The following PAICS variants were observed in gnomAD, a reference collection of about 807,000 sequenced individuals.
PAICS encodes bifunctional phosphoribosylaminoimidazole carboxylase/phosphoribosylaminoimidazole succinocarboxamide synthetase.
In PAICS, 33 loss-of-function variants were observed where a neutral mutation model predicts 53.7. The observed-to-expected ratio is 0.61, with a 90% CI of 0.47 to 0.82. The LOEUF is 0.82. Ranked by LOEUF, PAICS falls within the 40% of genes least tolerant of loss-of-function variation. The probability of loss-of-function intolerance (pLI) is 0.00; values close to 1 mark genes in which losing one functional copy is unlikely to be tolerated. For synonymous variants in PAICS, 141 were observed against 167.2 expected, an observed-to-expected ratio of 0.84 and a Z score of 1.21; for missense variants, 394 against 494.1, an observed-to-expected ratio of 0.80 and a Z score of 1.92.
the PAICS span, among the ~76,000 whole-genome samples, chr4:56,411,788 G>A: frequency 6.6e-6 from 1 of 152,210 alleles, no homozygotes. Flanking sequence ...AGAGAAAACA[G>A]TAAATAGTAT....
chr4:56,442,537 G>T (rs755623631), intron 2 of PAICS, among the ~76,000 whole-genome samples: 1 of 152,144 alleles, frequency 6.6e-6, no homozygotes, highest in Non-Finnish European at 1.5e-5. Flanking sequence ...GTTGCTGGTT[G>T]GTCTGTAGTA....
At chr4:56,454,988 T>C (rs1214049127) in intron 8 of PAICS, among the ~76,000 whole-genome samples, 1 of 152,074 alleles carries the variant, frequency 6.6e-6, no homozygotes. Context: ...TGAAACCCCA[T>C]CTCTACTAAA....
rs901421145 is a variant in PAICS at position 56,442,080 on chromosome 4, G to T, written c.214+220G>T. On this transcript the variant is annotated intron_variant, in intron 2 of 8. Transcript: ENST00000512576. ...TAAAAGGAATCTTAACAAGTTTGCTGTAATCTTTATCTGGCACATGCACTC... is the reference window on the plus strand; with the variant it reads ...TAAAAGGAATCTTAACAAGTTTGCTTTAATCTTTATCTGGCACATGCACTC... The T allele has an allele frequency of 2.9e-4, 133 of 455,174 alleles. No individual in the cohort carries two copies. In the East Asian group the frequency reaches 4.7e-3, roughly 16 times the overall value. The allele number at this position is 455,174 out of a possible 1,614,324, so 28.2% of individuals were successfully genotyped here. A position where few individuals can be genotyped will look rare whatever the true frequency, so the allele number is the denominator to read the frequency against.
chr4:56,422,473 T>A, the PAICS span: 1 of 120,040 alleles, frequency 8.3e-6, no homozygotes, highest in East Asian at 2.4e-4. Context: ...CTGGTTTTTT[T>A]TTTTTGTACG....
chr4:56,435,965 A>G (rs1370703711), upstream of PAICS: 2 of 1,512,956 alleles, frequency 1.3e-6, no homozygotes, highest in African/African-American at 2.7e-5. Flanking sequence ...CGCAGCCGAG[A>G]AGGGGCCGGG....
the PAICS span, among the ~76,000 whole-genome samples, chr4:56,428,500 T>C: frequency 6.6e-6 from 1 of 152,126 alleles, no homozygotes; most frequent in African/African-American, 2.4e-5. Context: ...AATATGAATA[T>C]AGCATTTTAC....
intron 5 of PAICS, among the ~76,000 whole-genome samples, chr4:56,449,814 A>G (rs1041691146): frequency 7.3e-5 from 11 of 151,446 alleles, no homozygotes; most frequent in African/African-American, 2.7e-4. Context: ...TCAAAAAAAA[A>G]AAAAAAAAAA....
At chr4:56,452,087 T>C in intron 7 of PAICS, 35 bp downstream of exon 7, 1 of 1,404,900 alleles carries the variant, frequency 7.1e-7, no homozygotes, top group Non-Finnish European at 9.8e-7. Context: ...TTCAGGTATT[T>C]CTGATTTTGC....
chr4:56,413,707 C>T, the PAICS span, among the ~76,000 whole-genome samples: 1 of 151,872 alleles, frequency 6.6e-6, no homozygotes, highest in Admixed American at 6.6e-5. Context: ...ACCAGCCTGA[C>T]CAACATGGTG....
Position 56,441,777 on chromosome 4 carries a change from C to G in PAICS, c.131C>G (p.Ala44Gly). The change falls in exon 2 of 9, where the codon GCA (alanine) becomes GGA (glycine). Residue 44 changes from alanine (A) to glycine (G), a missense_variant. By Grantham distance (60) the Ala-to-Gly change is moderately conservative (BLOSUM62 0). Coordinates refer to ENST00000512576, the MANE Select transcript of PAICS (RefSeq NM_001079524.2). ...QSKDQITAGN[A>G]ARKNHLEGKA... ...AAGGACCAGATTACAGCAGGAAATGCAGCTAGAAAAAACCACCTGGAAGGA... is the reference window on the plus strand; with the variant it reads ...AAGGACCAGATTACAGCAGGAAATGGAGCTAGAAAAAACCACCTGGAAGGA... The G allele has an allele frequency of 6.2e-7, 1 of 1,603,678 alleles. No individual in the cohort carries two copies. Among genetic ancestry groups the G allele is most frequent in the Non-Finnish European group, 8.5e-7 (1 of 1,174,494 alleles).
At chr4:56,439,253 T>A (rs1050870448) in intron 1 of PAICS, among the ~76,000 whole-genome samples, 3 of 152,204 alleles carry the variant, frequency 2.0e-5, no homozygotes, top group Non-Finnish European at 4.4e-5. Flanking sequence ...TTGTTTTTTC[T>A]TGAGACGGAG....
chr4:56,414,384 A>T, the PAICS span: 2 of 152,190 alleles, frequency 1.3e-5, no homozygotes, highest in Admixed American at 1.3e-4. Flanking sequence ...ACCCAAATAC[A>T]CTTTTGACCA....
At chr4:56,418,256 T>C in the PAICS span, among the ~76,000 whole-genome samples, 1 of 152,196 alleles carries the variant, frequency 6.6e-6, no homozygotes, top group Non-Finnish European at 1.5e-5. Context: ...TGAGCAGTGG[T>C]CTCTCCACTA....
At chr4:56,441,504 A>G (rs1718337300) in intron 1 of PAICS, among the ~76,000 whole-genome samples, 159 bp from the exon 2 acceptor site, 1 of 152,222 alleles carries the variant, frequency 6.6e-6, no homozygotes, top group South Asian at 2.1e-4. Flanking sequence ...TGATGGTATG[A>G]GAAATACATT....
intron 1 of PAICS, among the ~76,000 whole-genome samples, chr4:56,438,378 T>TATATATATATATATATAA (rs1718142793): frequency 1.6e-5 from 1 of 64,346 alleles, no homozygotes; most frequent in Non-Finnish European, 2.7e-5. Context: ...TGTTTATATA[T>TATATATATATATATATAA]ATATATATAT....
At chr4:56,418,927 A>ACATTTC in the PAICS span, among the ~76,000 whole-genome samples, 1 of 152,240 alleles carries the variant, frequency 6.6e-6, no homozygotes, top group Admixed American at 6.5e-5. Flanking sequence ...AATTTCTGAC[A>ACATTTC]CATTTCCCTA....
upstream of PAICS, chr4:56,436,006 C>T (rs1717912001): frequency 6.6e-7 from 1 of 1,523,438 alleles, no homozygotes; most frequent in Non-Finnish European, 8.9e-7. Flanking sequence ...TGGGGAGGGG[C>T]CGCCAGTGCG....
At chr4:56,434,401 C>T (rs1299274682), upstream of PAICS, among the ~76,000 whole-genome samples, 3 of 152,236 alleles carry the variant, frequency 2.0e-5, no homozygotes, top group Non-Finnish European at 4.4e-5. Context: ...CACTGTATTG[C>T]CTTATGGAAA....
In PAICS at chr4:56,459,468, G is replaced by A. The variant is rs376026175; in HGVS notation, c.1208G>A (p.Arg403Gln). Residue 403 changes from arginine to glutamine, a missense_variant, in exon 9 of 9, where the codon CGA (arginine) becomes CAA (glutamine). Transcript: ENST00000512576. ...LSNHLVWSKLRASILNTWISL... is the reference protein window; with the variant it reads ...LSNHLVWSKLQASILNTWISL... ...AACCATTTGGTATGGAGCAAACTGC[G>A]AGCAAGCATTTTGAACACATGGATT... The A allele has an allele frequency of 1.1e-4, 169 of 1,604,338 alleles. No individual in the cohort carries two copies. The highest frequency in any genetic ancestry group is 1.3e-4 in the Non-Finnish European group (152 of 1,172,694).
Sources: allele counts gnomAD v4.1 joint callset (sites outside exome capture counted in the v4.1 genomes callset), GRCh38; gene constraint gnomAD v4.1.1; transcripts MANE v1.5; gene names NCBI Gene and HGNC (gene_info 2026-07-23, HGNC 2026-07-21).